Variants in ACAT2 observed in about 807,000 individuals in gnomAD.
ACAT2 encodes acetyl-CoA acetyltransferase 2.
In ACAT2, 26 loss-of-function variants were observed where a neutral mutation model predicts 37.1. The observed-to-expected ratio is 0.70, with a 90% CI of 0.51 to 0.97. The LOEUF is 0.97. Among genes scored for constraint, ACAT2 ranks in the 50% least tolerant of loss-of-function variants. The pLI is 0.00. For synonymous variants in ACAT2, 156 were observed against 163.6 expected, an observed-to-expected ratio of 0.95 and a Z score of 0.35; for missense variants, 468 against 489.0, an observed-to-expected ratio of 0.96 and a Z score of 0.40.
intron 4 of ACAT2, among the ~76,000 whole-genome samples, 168 bp downstream of exon 4, chr6:159,768,796 C>T (rs1780294411): frequency 6.6e-6 from 1 of 152,184 alleles, no homozygotes; most frequent in African/African-American, 2.4e-5. Context: ...TCTTTGTGAA[C>T]TCTTGATTAT....
intron 2 of ACAT2, among the ~76,000 whole-genome samples, chr6:159,765,227 T>G (rs910256380): frequency 3.3e-5 from 5 of 151,512 alleles, no homozygotes; most frequent in Admixed American, 3.3e-4. Flanking sequence ...GTGATTCTTC[T>G]GCCTCAGCCT....
chr6:159,778,694 C>T lies in ACAT2; in HGVS notation c.1059C>T (p.His353=). 1 of 1,614,220 alleles carries T rather than the reference C, an allele frequency of 6.2e-7. No individual in the cohort carries two copies. The highest frequency in any genetic ancestry group is 2.2e-5 in the East Asian group (1 of 44,874). The change falls in exon 9 of 9, where the codon CAC becomes CAT. Residue 353 remains histidine (H), a synonymous_variant. Coordinates refer to ENST00000367048, the MANE Select transcript of ACAT2 (RefSeq NM_005891.3). The part of the protein sequence containing the change: ...NIEGGAIALG[H]PLGASGCRIL... ...AAGGAGGGGCTATAGCCTTGGGCCA[C>T]CCTCTTGGAGCATCTGGCTGTCGAA...
chr6:159,764,035 A>G (rs1780212373), intron 2 of ACAT2, among the ~76,000 whole-genome samples: 1 of 148,100 alleles, frequency 6.8e-6, no homozygotes, highest in African/African-American at 2.5e-5. Flanking sequence ...CGGGAGGCGG[A>G]GCTTGCAGTG....
intron 4 of ACAT2, among the ~76,000 whole-genome samples, chr6:159,770,455 A>G (rs377729308): frequency 2.6e-5 from 4 of 152,340 alleles, no homozygotes; most frequent in South Asian, 2.1e-4. Flanking sequence ...AAAGGAAAAA[A>G]TATAAACAAG....
At chr6:159,762,173 C>G (rs1423607022) in intron 1 of ACAT2, 31 bp downstream of exon 1, 3 of 1,599,254 alleles carry the variant, frequency 1.9e-6, no homozygotes, top group Admixed American at 3.4e-5. Context: ...GCGCAGAGTC[C>G]GAGGCGCCTG....
chr6:159,778,064 A>T, intron 7 of ACAT2, 106 bp from the exon 8 acceptor site: 1 of 712,684 alleles, frequency 1.4e-6, no homozygotes, highest in Non-Finnish European at 2.3e-6. Flanking sequence ...AAACCAAAGT[A>T]GCAGTTACCA....
chr6:159,772,139 T>C lies in ACAT2; in HGVS notation c.491-3031T>C, dbSNP rs370840744. Among the ~76,000 whole-genome samples, 39 of 152,098 alleles carry C rather than the reference T, an allele frequency of 2.6e-4. 2 individuals are homozygous for C. The South Asian group carries it at 8.1e-3, about 32-fold the overall frequency. ...ACTCTGGAGGCCAAGGGAGGAGACT[T>C]GCTTGAACCTAAGAGGCGGAGGTTG... On this transcript the variant is annotated intron_variant, in intron 4 of 8. Transcript: ENST00000367048.
intron 6 of ACAT2, among the ~76,000 whole-genome samples, chr6:159,776,760 CAG>C (rs1382351273): frequency 1.3e-5 from 2 of 152,106 alleles, no homozygotes; most frequent in African/African-American, 4.8e-5. Context: ...CATTTCCTGT[CAG>C]AGATCTCCCC....
At chr6:159,763,407 G>C (rs1780191892) in intron 2 of ACAT2, among the ~76,000 whole-genome samples, 2 of 152,048 alleles carry the variant, frequency 1.3e-5, no homozygotes, top group African/African-American at 4.8e-5. Context: ...AAAATAGCCA[G>C]GTATGATGGC....
intron 4 of ACAT2, among the ~76,000 whole-genome samples, chr6:159,770,127 A>G (rs1780312672): frequency 6.6e-6 from 1 of 152,246 alleles, no homozygotes; most frequent in South Asian, 2.1e-4. Context: ...ACAAGCCTCA[A>G]AAGGATCAAG....
intron 6 of ACAT2, among the ~76,000 whole-genome samples, chr6:159,776,649 A>C (rs747298303): frequency 6.6e-6 from 1 of 152,248 alleles, no homozygotes. Flanking sequence ...CTAGACATAC[A>C]AATGAAGAAG....
intron 3 of ACAT2, among the ~76,000 whole-genome samples, chr6:159,767,823 G>A (rs1288267661): frequency 3.9e-5 from 6 of 152,176 alleles, no homozygotes; most frequent in African/African-American, 1.4e-4. Context: ...CAGGCTAAAG[G>A]TAACAAAAAT....
intron 4 of ACAT2, among the ~76,000 whole-genome samples, chr6:159,770,409 C>A (rs1247605973): frequency 6.6e-6 from 1 of 152,166 alleles, no homozygotes; most frequent in Non-Finnish European, 1.5e-5. Flanking sequence ...AAAATATAAT[C>A]TTCATAGAGG....
chr6:159,763,568 A>G (rs144384356), intron 2 of ACAT2, among the ~76,000 whole-genome samples: 4,161 of 144,858 alleles, frequency 0.029, 74 homozygotes, highest in Non-Finnish European at 0.043. Context: ...CTTCATTAAT[A>G]TGCTTTTTGT....
At chr6:159,778,449 A>T in intron 8 of ACAT2, 169 bp downstream of exon 8, 3 of 638,840 alleles carry the variant, frequency 4.7e-6, no homozygotes, top group Admixed American at 3.5e-5. Context: ...AAAAAAAAAA[A>T]GACATTGGCT....
intron 4 of ACAT2, among the ~76,000 whole-genome samples, chr6:159,771,908 CACAACA>C (rs546836983): frequency 1.3e-5 from 2 of 151,774 alleles, no homozygotes; most frequent in African/African-American, 2.4e-5. Flanking sequence ...AACATAGTGA[CACAACA>C]ACAACAACAA....
chr6:159,763,883 T>C (rs1046213441), intron 2 of ACAT2, among the ~76,000 whole-genome samples: 1 of 151,766 alleles, frequency 6.6e-6, no homozygotes, highest in Non-Finnish European at 1.5e-5. Flanking sequence ...GGGCGGATCA[T>C]GAGGTCAGGA....
chr6:159,762,500 G>T, intron 1 of ACAT2: 1 of 1,303,344 alleles, frequency 7.7e-7, no homozygotes. Context: ...CGGCAGGGGC[G>T]GAACTGCTAG....
At chr6:159,764,146 T>C (rs1780215741) in intron 2 of ACAT2, among the ~76,000 whole-genome samples, 1 of 152,066 alleles carries the variant, frequency 6.6e-6, no homozygotes, top group African/African-American at 2.4e-5. Flanking sequence ...GCCTGACGCA[T>C]AGGAAAGTAT....
Sources: gnomAD v4.1 joint callset for allele counts (sites outside exome capture counted in the v4.1 genomes callset) on GRCh38, gnomAD v4.1.1 for gene constraint, MANE v1.5 for transcripts, NCBI Gene and HGNC (gene_info 2026-07-23, HGNC 2026-07-21) for gene names.